The following NGF variants were observed in gnomAD, a reference collection of about 807,000 sequenced individuals.
NGF encodes nerve growth factor.
NGF carries 4 observed loss-of-function variants against 12.8 expected under a neutral mutation model. The ratio of observed to expected loss-of-function variants is 0.31; its 90% confidence interval spans 0.15 to 0.72. The LOEUF (loss-of-function observed/expected upper bound fraction) is 0.72, where lower values mean the gene tolerates loss of function less well. Among genes scored for constraint, NGF ranks in the 30% least tolerant of loss-of-function variants. The probability of loss-of-function intolerance (pLI) is 0.69; values close to 1 mark genes in which losing one functional copy is unlikely to be tolerated. For missense variants in NGF, 283 were observed against 330.8 expected (o/e 0.86, Z 1.12); for synonymous variants, 140 against 130.0 (o/e 1.08, Z -0.52).
At chr1:115,337,252 T>C (rs1271036265) in intron 1 of NGF, among the ~76,000 whole-genome samples, 2 of 141,986 alleles carry the variant, frequency 1.4e-5, no homozygotes, top group African/African-American at 5.7e-5. Flanking sequence ...TCGAAATTTT[T>C]TTTGTTTTGT....
At chr1:115,294,025 G>C (rs552762670) in intron 1 of NGF, among the ~76,000 whole-genome samples, 6 of 152,196 alleles carry the variant, frequency 3.9e-5, no homozygotes, top group Non-Finnish European at 5.9e-5. Context: ...ACCTAGTGCA[G>C]GTGTTTCTAG....
rs1403361311 is a variant in NGF at position 115,314,705 on chromosome 1, A to G, written c.-136-20955T>C. Among the ~76,000 whole-genome samples the G allele has an allele frequency of 3.3e-5, 5 of 152,208 alleles. No homozygotes were observed. The East Asian group carries it at 9.6e-4, about 29-fold the overall frequency. ...TTATTGTTGATTCACTTGTTTAGCA[A>G]CTAGATATTGAGCAACTATTATGCA... On this transcript the variant is annotated intron_variant, in intron 1 of 2. Coordinates refer to ENST00000369512, the MANE Select transcript of NGF (RefSeq NM_002506.3).
At chr1:115,319,690 A>T (rs1654565244) in intron 1 of NGF, among the ~76,000 whole-genome samples, 1 of 152,206 alleles carries the variant, frequency 6.6e-6, no homozygotes, top group Non-Finnish European at 1.5e-5. Flanking sequence ...TGGTGCCTAG[A>T]AACAAACAAA....
intron 1 of NGF, among the ~76,000 whole-genome samples, chr1:115,337,127 C>T (rs1410805539): frequency 6.6e-6 from 1 of 152,128 alleles, no homozygotes. Context: ...CGAACTGTTA[C>T]AACTTCCAAC....
At chr1:115,297,781 G>A (rs944084634) in intron 1 of NGF, among the ~76,000 whole-genome samples, 3 of 152,118 alleles carry the variant, frequency 2.0e-5, no homozygotes, top group African/African-American at 7.2e-5. Flanking sequence ...CTGTAGCAGT[G>A]GTTCTCAACT....
At chr1:115,292,059 C>T (rs1653719347) in intron 2 of NGF, among the ~76,000 whole-genome samples, 1 of 152,112 alleles carries the variant, frequency 6.6e-6, no homozygotes, top group Non-Finnish European at 1.5e-5. Flanking sequence ...GGCCAAGGGT[C>T]ATTTCTTGTT....
chr1:115,300,323 C>T (rs942714446), intron 1 of NGF, among the ~76,000 whole-genome samples: 2 of 152,126 alleles, frequency 1.3e-5, no homozygotes, highest in Admixed American at 6.5e-5. Flanking sequence ...GGCAGTCCAT[C>T]CTTCAATTAA....
intron 1 of NGF, among the ~76,000 whole-genome samples, chr1:115,333,789 C>T (rs1470736201): frequency 3.1e-5 from 3 of 96,490 alleles, no homozygotes; most frequent in African/African-American, 1.4e-4. Context: ...TCCTTCCTTT[C>T]TTTTCTTTCT....
rs75025721 is a variant in NGF at position 115,291,107 on chromosome 1, G to T, written c.-13+2520C>A. Among the ~76,000 whole-genome samples the T allele has an allele frequency of 4.5e-3, 691 of 152,232 alleles. 3 individuals carry two copies. Among genetic ancestry groups the T allele is most frequent in the South Asian group, 9.1e-3 (44 of 4,818 alleles). On this transcript the variant is annotated intron_variant, in intron 2 of 2. Coordinates refer to ENST00000369512, the MANE Select transcript of NGF (RefSeq NM_002506.3). ...AATCACAATGGAGATTTGTATCACA[G>T]GCAGAATGTTTCATTAAGACTTGAA...
At chr1:115,294,161 G>A (rs902887419) in intron 1 of NGF, among the ~76,000 whole-genome samples, 3 of 152,268 alleles carry the variant, frequency 2.0e-5, no homozygotes, top group Admixed American at 6.5e-5. Context: ...TTATACAGAC[G>A]CAAAATCCCT....
intron 1 of NGF, among the ~76,000 whole-genome samples, chr1:115,331,886 T>C (rs1046933419): frequency 1.3e-5 from 2 of 152,332 alleles, no homozygotes; most frequent in Admixed American, 6.5e-5. Context: ...AGGATGCTAA[T>C]TGAGAGAAGA....
rs187338394 is a variant in NGF at position 115,304,014 on chromosome 1, T to A, written c.-136-10264A>T. Among the ~76,000 whole-genome samples, 39 of 152,256 alleles carry A rather than the reference T, an allele frequency of 2.6e-4. No individual in the cohort carries two copies. The East Asian group carries it at 7.1e-3, about 28-fold the overall frequency. ...GGCTGTTTTTTTCCTTTCTTTCTCC[T>A]GAGATTTTTCTTTTCTTTTGTCAGC... On this transcript the variant is annotated intron_variant, in intron 1 of 2. Transcript: ENST00000369512.
At chr1:115,318,038 G>A (rs896890042) in intron 1 of NGF, among the ~76,000 whole-genome samples, 29 of 151,988 alleles carry the variant, frequency 1.9e-4, no homozygotes, top group Admixed American at 6.6e-5. Context: ...CCTCCAGTGG[G>A]ACCCCACTGT....
chr1:115,313,755 C>T (rs1013660819), intron 1 of NGF, among the ~76,000 whole-genome samples: 1 of 152,112 alleles, frequency 6.6e-6, no homozygotes, highest in Non-Finnish European at 1.5e-5. Context: ...AAAATATAAG[C>T]AGACAGTGAC....
At chr1:115,337,974 C>T (rs1474197305) in intron 1 of NGF, among the ~76,000 whole-genome samples, 1 of 152,208 alleles carries the variant, frequency 6.6e-6, no homozygotes, top group Non-Finnish European at 1.5e-5. Flanking sequence ...ACTCCACGAC[C>T]AGAACTAACG....
chr1:115,335,953 C>T (rs560916208), intron 1 of NGF, among the ~76,000 whole-genome samples: 5 of 152,282 alleles, frequency 3.3e-5, no homozygotes, highest in East Asian at 1.9e-4. Flanking sequence ...AAACTTCCCT[C>T]GGGCTCCAGC....
At chr1:115,330,623 C>T (rs1654892286) in intron 1 of NGF, among the ~76,000 whole-genome samples, 1 of 152,132 alleles carries the variant, frequency 6.6e-6, no homozygotes, top group Non-Finnish European at 1.5e-5. Context: ...GTTTCAGCAG[C>T]TAGGGGCAGT....
intron 1 of NGF, among the ~76,000 whole-genome samples, chr1:115,321,923 G>A (rs1332821085): frequency 1.3e-5 from 2 of 152,182 alleles, no homozygotes; most frequent in Non-Finnish European, 2.9e-5. Flanking sequence ...TGCACACAGT[G>A]AGGACGCAGT....
chr1:115,307,613 A>G (rs548337217), intron 1 of NGF, among the ~76,000 whole-genome samples: 4 of 152,368 alleles, frequency 2.6e-5, no homozygotes, highest in African/African-American at 9.6e-5. Flanking sequence ...TATAATAAGC[A>G]ACAACTCTAC....
Sources: gnomAD v4.1 joint callset for allele counts (sites outside exome capture counted in the v4.1 genomes callset) on GRCh38, gnomAD v4.1.1 for gene constraint, MANE v1.5 for transcripts, NCBI Gene and HGNC (gene_info 2026-07-23, HGNC 2026-07-21) for gene names.